The following MICU1 variants were observed in gnomAD, a reference collection of about 807,000 sequenced individuals.
MICU1 encodes the protein mitochondrial calcium uptake 1.
Under a neutral mutation model 56.8 loss-of-function variants are expected in MICU1, and 45 were observed. The ratio of observed to expected loss-of-function variants is 0.79; its 90% CI spans 0.62 to 1.02. MICU1 has a LOEUF of 1.02. Ranked by LOEUF, MICU1 falls within the 50% of genes least tolerant of loss-of-function variation. MICU1 has a pLI of 0.00. For synonymous variants in MICU1, 186 were observed against 195.1 expected (o/e 0.95, Z 0.39); for missense variants, 504 against 587.1 (o/e 0.86, Z 1.46).
At chr10:72,535,515 C>A (rs139287724) in intron 4 of MICU1, among the ~76,000 whole-genome samples, 2 of 152,004 alleles carry the variant, frequency 1.3e-5, no homozygotes, top group Admixed American at 1.3e-4. Flanking sequence ...AGAAAATAAT[C>A]CAAAAAATAC....
intron 8 of MICU1, among the ~76,000 whole-genome samples, chr10:72,465,492 T>G (rs1263387767): frequency 6.7e-6 from 1 of 148,188 alleles, no homozygotes; most frequent in Non-Finnish European, 1.5e-5. Context: ...GGAACATGTT[T>G]CTGTTCAGGT....
chr10:72,599,727 CCT>C (rs1236161743), intron 1 of MICU1, among the ~76,000 whole-genome samples: 2 of 152,240 alleles, frequency 1.3e-5, no homozygotes, highest in African/African-American at 4.8e-5. Context: ...TTCCTTCCTT[CCT>C]CTTTCTTACT....
intron 10 of MICU1, among the ~76,000 whole-genome samples, chr10:72,401,227 C>T (rs1863443732): frequency 6.6e-6 from 1 of 152,142 alleles, no homozygotes; most frequent in Admixed American, 6.5e-5. Context: ...ATGGAATGAT[C>T]TTGTATTTTT....
At chr10:72,454,696 T>C (rs1015613610) in intron 8 of MICU1, among the ~76,000 whole-genome samples, 7 of 150,078 alleles carry the variant, frequency 4.7e-5, no homozygotes, top group South Asian at 2.1e-4. Flanking sequence ...GGCAGGAGAA[T>C]TGCTTGAACT....
At chr10:72,595,447 CAAAAAAAAAAAAAAAAA>C (rs1210897998) in intron 1 of MICU1, among the ~76,000 whole-genome samples, 2 of 41,180 alleles carry the variant, frequency 4.9e-5, no homozygotes, top group African/African-American at 1.7e-4. Flanking sequence ...GACTCTGTCT[CAAAAAAAAAAAAAAAAA>C]GAAAAAAAGA....
intron 11 of MICU1, among the ~76,000 whole-genome samples, chr10:72,368,576 T>C (rs1283829736): frequency 2.6e-5 from 4 of 152,154 alleles, no homozygotes; most frequent in African/African-American, 9.7e-5. Context: ...TGAATGAAAA[T>C]ACAGTATATG....
intron 5 of MICU1, among the ~76,000 whole-genome samples, chr10:72,509,554 A>G (rs540211391): frequency 6.6e-6 from 1 of 152,246 alleles, no homozygotes; most frequent in Non-Finnish European, 1.5e-5. Flanking sequence ...TTACTTGTTC[A>G]TAAGAAACAG....
intron 8 of MICU1, among the ~76,000 whole-genome samples, chr10:72,443,104 C>T (rs187296729): frequency 6.6e-6 from 1 of 152,268 alleles, no homozygotes; most frequent in East Asian, 1.9e-4. Flanking sequence ...TTTTGATTTG[C>T]ATTTCTCTGA....
At chr10:72,602,838 T>G (rs1337741070) in intron 1 of MICU1, among the ~76,000 whole-genome samples, 1 of 152,244 alleles carries the variant, frequency 6.6e-6, no homozygotes, top group Non-Finnish European at 1.5e-5. Context: ...CCAGGCGCGG[T>G]GGCTCACACC....
chr10:72,551,487 T>G, intron 3 of MICU1, 146 bp from the exon 4 acceptor site: 2 of 532,084 alleles, frequency 3.8e-6, no homozygotes, highest in Non-Finnish European at 2.9e-6. Flanking sequence ...ACTTAGTTTT[T>G]TAATATTACA....
intron 8 of MICU1, among the ~76,000 whole-genome samples, chr10:72,443,749 T>C (rs1167553609): frequency 2.0e-5 from 3 of 151,976 alleles, no homozygotes; most frequent in East Asian, 3.9e-4. Flanking sequence ...TGTGGAGAAA[T>C]AGGAACACTT....
intron 5 of MICU1, chr10:72,532,831 A>T (rs989660761): frequency 4.1e-6 from 4 of 984,402 alleles, no homozygotes; most frequent in Non-Finnish European, 4.8e-6. Flanking sequence ...ATCTTAAGGC[A>T]GCTACTCATT....
intron 8 of MICU1, among the ~76,000 whole-genome samples, chr10:72,451,528 C>A (rs1246412222): frequency 1.3e-5 from 2 of 152,118 alleles, no homozygotes; most frequent in African/African-American, 2.4e-5. Flanking sequence ...AGATGTAACA[C>A]AGAAGATGAA....
In MICU1 at chr10:72,524,362, C is replaced by CAA. The variant is rs1205772992; in HGVS notation, c.537+9382_537+9383dup. Among the ~76,000 whole-genome samples, 3 of 152,204 alleles carry CAA rather than the reference C, an allele frequency of 2.0e-5. No individual in the cohort carries two copies. The East Asian group carries it at 5.8e-4, about 29-fold the overall frequency. ...AAGTGATCCTCCTGCCTCTGCCTCT[C>CAA]AAAGTGCTGGGATTACAAGCATGAG... is the stretch of plus-strand genomic sequence containing the variant. On this transcript the variant is annotated intron_variant, in intron 5 of 11. Transcript: ENST00000361114.
intron 1 of MICU1, among the ~76,000 whole-genome samples, chr10:72,598,489 C>A (rs1478290992): frequency 1.3e-5 from 2 of 152,060 alleles, no homozygotes; most frequent in East Asian, 1.9e-4. Context: ...CTCCTGACCT[C>A]AAGTGATCCA....
chr10:72,606,235 G>C (rs1039181525), intron 1 of MICU1, among the ~76,000 whole-genome samples: 16 of 151,982 alleles, frequency 1.1e-4, no homozygotes, highest in African/African-American at 3.6e-4. Context: ...AGTAAGGCTG[G>C]GCACGGTGGC....
intron 6 of MICU1, 40 bp from the exon 7 acceptor site, chr10:72,477,296 CA>C: frequency 7.0e-7 from 1 of 1,437,284 alleles, no homozygotes; most frequent in Non-Finnish European, 9.4e-7. Context: ...AGGCATTGAC[CA>C]AAAATAAATC....
At chr10:72,470,035 G>A (rs183310442) in intron 8 of MICU1, among the ~76,000 whole-genome samples, 27 of 152,264 alleles carry the variant, frequency 1.8e-4, no homozygotes, top group African/African-American at 6.3e-4. Flanking sequence ...ACTGGGGGTT[G>A]GGACATCAAC....
intron 8 of MICU1, among the ~76,000 whole-genome samples, chr10:72,452,937 T>G (rs1865343888): frequency 6.6e-6 from 1 of 152,178 alleles, no homozygotes; most frequent in African/African-American, 2.4e-5. Context: ...TGAGTCTTTT[T>G]CAGATGACCT....
Sources: allele counts gnomAD v4.1 joint callset (sites outside exome capture counted in the v4.1 genomes callset), GRCh38; gene constraint gnomAD v4.1.1; transcripts MANE v1.5; gene names NCBI Gene and HGNC (gene_info 2026-07-23, HGNC 2026-07-21).